Variants in SORCS1 observed in about 807,000 individuals in gnomAD.
The protein encoded by SORCS1 is VPS10 domain-containing receptor SorCS1.
SORCS1 carries 60 observed loss-of-function variants against 146.1 expected under a neutral mutation model. The ratio of observed to expected loss-of-function variants is 0.41; its 90% CI spans 0.33 to 0.51. The LOEUF is 0.51. Among genes scored for constraint, SORCS1 ranks in the 20% least tolerant of loss-of-function variants. The pLI, the probability that SORCS1 is intolerant of heterozygous loss-of-function variation, is 0.21. For synonymous variants in SORCS1, 637 were observed against 584.0 expected, an observed-to-expected ratio of 1.09 and a Z score of -1.31; for missense variants, 1,352 against 1,487.6, an observed-to-expected ratio of 0.91 and a Z score of 1.50.
chr10:107,153,367 A>G (rs1001976014), intron 1 of SORCS1, among the ~76,000 whole-genome samples: 2 of 152,214 alleles, frequency 1.3e-5, no homozygotes, highest in South Asian at 2.1e-4. Context: ...TTTATTATGT[A>G]TATATTTATA....
At chr10:106,821,290 C>T (rs955493672) in intron 3 of SORCS1, among the ~76,000 whole-genome samples, 2 of 152,070 alleles carry the variant, frequency 1.3e-5, no homozygotes, top group African/African-American at 4.8e-5. Context: ...AGGTATCAAA[C>T]CAAAAGATAG....
In SORCS1 at chr10:106,784,745, T is replaced by A. The variant is rs144397892; in HGVS notation, c.727-8053A>T. On this transcript the variant is annotated intron_variant, in intron 3 of 25. Coordinates refer to ENST00000263054, the MANE Select transcript of SORCS1 (RefSeq NM_052918.5). ...ATGGGAAACTTTACAAGAAATGATG[T>A]TCATTTAATGATAAGAAATCTCTTT... Among the ~76,000 whole-genome samples the A allele has an allele frequency of 4.5e-4, 69 of 152,348 alleles. 1 individual carries two copies. In the East Asian group the frequency reaches 0.013, roughly 28 times the overall value.
chr10:106,866,291 T>A (rs986464117), intron 2 of SORCS1, among the ~76,000 whole-genome samples: 1 of 151,756 alleles, frequency 6.6e-6, no homozygotes, highest in Non-Finnish European at 1.5e-5. Flanking sequence ...GAAGAGGAGG[T>A]CACTCCATCT....
At chr10:107,175,049 T>C in the SORCS1 span, among the ~76,000 whole-genome samples, 4 of 152,212 alleles carry the variant, frequency 2.6e-5, no homozygotes, top group Non-Finnish European at 4.4e-5. Flanking sequence ...TCCTCTGTTC[T>C]GTCAATATTA....
intron 5 of SORCS1, among the ~76,000 whole-genome samples, chr10:106,758,324 A>G (rs1205312851): frequency 6.6e-6 from 1 of 152,160 alleles, no homozygotes; most frequent in East Asian, 1.9e-4. Context: ...TTTACATGGG[A>G]AGTGTTCTCA....
chr10:106,584,453 G>A (rs946425959), intron 24 of SORCS1, among the ~76,000 whole-genome samples: 1 of 152,194 alleles, frequency 6.6e-6, no homozygotes, highest in Non-Finnish European at 1.5e-5. Context: ...CAAAACCCAA[G>A]TAAAGAGTAA....
At chr10:106,798,257 C>T (rs1411249548) in intron 3 of SORCS1, among the ~76,000 whole-genome samples, 3 of 152,158 alleles carry the variant, frequency 2.0e-5, no homozygotes, top group African/African-American at 7.2e-5. Flanking sequence ...AACTTTAAGT[C>T]CATTAAACCT....
intron 5 of SORCS1, among the ~76,000 whole-genome samples, chr10:106,731,466 A>AG (rs1261153381): frequency 6.6e-6 from 1 of 152,058 alleles, no homozygotes; most frequent in Non-Finnish European, 1.5e-5. Flanking sequence ...CCCCTCTGTG[A>AG]GTCTCTAAGC....
At chr10:107,166,134 C>CTGAT (rs2134975273), upstream of SORCS1, among the ~76,000 whole-genome samples, 1 of 152,266 alleles carries the variant, frequency 6.6e-6, no homozygotes, top group African/African-American at 2.4e-5. Flanking sequence ...TGAATATTTA[C>CTGAT]TGATTGAATA....
At position 107,044,769 on chromosome 10, in the gene SORCS1, G is replaced by A. The variant is rs555291913; in HGVS notation, c.559-88189C>T. On this transcript the variant is annotated intron_variant, in intron 1 of 25. Transcript: ENST00000263054. ...GTAGGTTGCAGTGAGCCAAGATGGC[G>A]CCATTGCATTCCAGCCTGGGAGACA... is the stretch of plus-strand genomic sequence containing the variant. Among the ~76,000 whole-genome samples the A allele has an allele frequency of 6.1e-5, 9 of 146,516 alleles. No homozygotes were observed. The South Asian group carries it at 6.4e-4, about 10-fold the overall frequency.
intron 1 of SORCS1, among the ~76,000 whole-genome samples, chr10:106,990,390 C>A (rs905493051): frequency 2.0e-5 from 3 of 152,168 alleles, no homozygotes; most frequent in African/African-American, 7.2e-5. Context: ...CTGCCTCAGC[C>A]TCCTGAGTAC....
chr10:106,771,481 A>G (rs1448689995), intron 4 of SORCS1, among the ~76,000 whole-genome samples: 1 of 152,260 alleles, frequency 6.6e-6, no homozygotes, highest in South Asian at 2.1e-4. Context: ...AATGAAGTAA[A>G]GGACTATATC....
At chr10:107,169,314 G>A (rs184914648), upstream of SORCS1, among the ~76,000 whole-genome samples, 43 of 152,254 alleles carry the variant, frequency 2.8e-4, 1 homozygote, top group South Asian at 1.7e-3. Flanking sequence ...AAAGAAAACT[G>A]GGGAGAATAA....
chr10:106,921,511 A>G (rs981958816), intron 2 of SORCS1, among the ~76,000 whole-genome samples: 19 of 152,294 alleles, frequency 1.2e-4, no homozygotes, highest in African/African-American at 4.3e-4. Flanking sequence ...TGACTCCTCT[A>G]TTTGATTGAA....
At chr10:106,779,022 T>C (rs952410421) in intron 3 of SORCS1, among the ~76,000 whole-genome samples, 5 of 152,174 alleles carry the variant, frequency 3.3e-5, no homozygotes, top group African/African-American at 1.2e-4. Context: ...CTGTATCAGG[T>C]AATATTGGGT....
At chr10:106,746,181 T>C (rs7906647) in intron 5 of SORCS1, among the ~76,000 whole-genome samples, 33,338 of 151,902 alleles carry the variant, frequency 0.22, 4,565 homozygotes, top group East Asian at 0.48. Flanking sequence ...TAGTAGAAAA[T>C]CTGGAGAAAA....
At chr10:106,679,825 C>T in intron 10 of SORCS1, 91 bp from the exon 11 acceptor site, 1 of 1,005,508 alleles carries the variant, frequency 9.9e-7, no homozygotes, top group South Asian at 1.5e-5. Context: ...TCTAACCAAC[C>T]ATCCCATTTA....
Position 107,010,855 on chromosome 10 carries a change from C to T in SORCS1, c.559-54275G>A, listed in dbSNP as rs549797726. Among the ~76,000 whole-genome samples the T allele has an allele frequency of 1.7e-4, 26 of 152,286 alleles. No individual in the cohort carries two copies. The South Asian group carries it at 5.4e-3, about 32-fold the overall frequency. ...TTTCCGCTATAGTGAATGTGTCTTGCAGATAATTTCAGTTTCTCTCACAGA... is the reference window on the plus strand; with the variant it reads ...TTTCCGCTATAGTGAATGTGTCTTGTAGATAATTTCAGTTTCTCTCACAGA... On this transcript the variant is annotated intron_variant, in intron 1 of 25. Coordinates refer to ENST00000263054, the MANE Select transcript of SORCS1 (RefSeq NM_052918.5).
At position 106,579,474 on chromosome 10, in the gene SORCS1, G is replaced by T; in HGVS notation, c.3266C>A (p.Ala1089Asp). Residue 1089 changes from alanine to aspartate, a missense_variant and splice_region_variant, in exon 25 of 26, where the codon GCC becomes GAC. This residue lies in a region of SORCS1 where 214 missense variants were observed against 204.8 expected (regional missense o/e 1.05). Transcript: ENST00000263054. ...GGTTGGAGTGAGGTCCACCAGGGGG[G>T]CTTGTGGGGGAAACAGAGCAGAGAA... ...VLVHAAHLTA[A>D]PLVDLTPTHS... The T allele has an allele frequency of 6.2e-7, 1 of 1,613,640 alleles. No homozygotes were observed. Among genetic ancestry groups the T allele is most frequent in the Non-Finnish European group, 8.5e-7 (1 of 1,179,846 alleles).
Sources: allele counts gnomAD v4.1 joint callset (sites outside exome capture counted in the v4.1 genomes callset), GRCh38; gene constraint gnomAD v4.1.1; regional missense constraint gnomAD v4.1.1; transcripts MANE v1.5; gene names NCBI Gene and HGNC (gene_info 2026-07-23, HGNC 2026-07-21).